MROH9: variants seen among roughly 807,000 people sequenced by gnomAD.
MROH9 encodes the protein maestro heat like repeat family member 9.
A neutral mutation model predicts 98.2 loss-of-function variants in MROH9; 92 were observed. That is an observed-to-expected ratio of 0.94 (90% CI 0.79 to 1.11). MROH9 has a LOEUF of 1.11. Ranked by LOEUF, MROH9 falls within the 50% of genes most tolerant of loss-of-function variation. The probability of loss-of-function intolerance (pLI) is 0.00; values close to 1 mark genes in which losing one functional copy is unlikely to be tolerated. For missense variants in MROH9, 1,057 were observed against 1,014.8 expected, an observed-to-expected ratio of 1.04 and a Z score of -0.57; for synonymous variants, 397 against 368.9, an observed-to-expected ratio of 1.08 and a Z score of -0.87.
rs532846300 is a variant in MROH9, at chr1:171,019,710, T to C, written c.1908+3374T>C. 6.1e-5 allele frequency among the ~76,000 whole-genome samples: 9 copies of C among 146,500 alleles called. No individual in the cohort carries two copies. In the South Asian group the frequency reaches 1.5e-3, roughly 24 times the overall value. ...ACCCTAACATCACAATTAAAAGAGC[T>C]AAAGAAGCAGGAGCAAACAAATTCA... On this transcript the variant is annotated intron_variant, in intron 17 of 21. Transcript: ENST00000367759.
At chr1:171,039,099 T>C (rs1653205369) in intron 20 of MROH9, among the ~76,000 whole-genome samples, 1 of 152,172 alleles carries the variant, frequency 6.6e-6, no homozygotes, top group South Asian at 2.1e-4. Context: ...GATCACATGC[T>C]TACCTACCTA....
chr1:171,000,561 A>AT (rs1651751542), intron 15 of MROH9, among the ~76,000 whole-genome samples: 1 of 152,122 alleles, frequency 6.6e-6, no homozygotes. Flanking sequence ...GCATATATTG[A>AT]ACCATCCCTG....
intron 20 of MROH9, among the ~76,000 whole-genome samples, chr1:171,037,000 C>A (rs548455215): frequency 3.3e-5 from 5 of 151,486 alleles, no homozygotes; most frequent in African/African-American, 4.8e-5. Flanking sequence ...GAAAAAATAG[C>A]GTTTATGAAA....
chr1:171,006,185 C>T (rs146817865), intron 15 of MROH9, among the ~76,000 whole-genome samples: 2,639 of 151,970 alleles, frequency 0.017, 41 homozygotes, highest in Middle Eastern at 0.037. Flanking sequence ...TCAAGGACAG[C>T]TTTGTCAGGT....
intron 20 of MROH9, among the ~76,000 whole-genome samples, chr1:171,039,763 C>T (rs1047239320): frequency 2.0e-5 from 3 of 152,062 alleles, no homozygotes; most frequent in Non-Finnish European, 4.4e-5. Flanking sequence ...AAAGGAAATA[C>T]ATTGGAATAC....
At chr1:171,008,450 T>C (rs1652035877) in intron 15 of MROH9, among the ~76,000 whole-genome samples, 1 of 152,208 alleles carries the variant, frequency 6.6e-6, no homozygotes, top group African/African-American at 2.4e-5. Flanking sequence ...AGATTTACAT[T>C]CAATTGTAAC....
At chr1:170,998,124 G>T (rs1370001033) in intron 14 of MROH9, 30 bp from the exon 15 acceptor site, 2 of 1,547,240 alleles carry the variant, frequency 1.3e-6, no homozygotes, top group Admixed American at 4.0e-5. Flanking sequence ...TTTCTCCTTT[G>T]CTAATTCAGT....
chr1:171,024,290 T>C, intron 17 of MROH9, 105 bp from the exon 18 acceptor site: 1 of 751,086 alleles, frequency 1.3e-6, no homozygotes, highest in Non-Finnish European at 2.1e-6. Context: ...ACATATATAG[T>C]ATATTTATAT....
chr1:171,001,377 A>G (rs1293676963), intron 15 of MROH9, among the ~76,000 whole-genome samples: 2 of 152,072 alleles, frequency 1.3e-5, no homozygotes, highest in Non-Finnish European at 2.9e-5. Context: ...TGACATAGGC[A>G]TTTAGGGCTA....
intron 11 of MROH9, among the ~76,000 whole-genome samples, chr1:170,990,579 AG>A (rs987994403): frequency 2.0e-5 from 3 of 152,218 alleles, no homozygotes; most frequent in African/African-American, 7.2e-5. Flanking sequence ...AGAAGAGCTT[AG>A]AAAAATCACA....
At chr1:170,968,536 C>G (rs1650319909) in intron 7 of MROH9, among the ~76,000 whole-genome samples, 1 of 152,032 alleles carries the variant, frequency 6.6e-6, no homozygotes, top group Non-Finnish European at 1.5e-5. Context: ...TTTGGGGAAA[C>G]TCTCCAAATA....
intron 15 of MROH9, among the ~76,000 whole-genome samples, chr1:171,000,027 A>T (rs774694882): frequency 3.2e-4 from 49 of 151,342 alleles, no homozygotes; most frequent in Non-Finnish European, 6.3e-4. Context: ...TTTTGATGGG[A>T]TTACTTGTTT....
At chr1:170,989,012 C>T (rs746609431) in intron 10 of MROH9, among the ~76,000 whole-genome samples, 1 of 152,036 alleles carries the variant, frequency 6.6e-6, no homozygotes, top group Non-Finnish European at 1.5e-5. Context: ...GGAAAAGTAC[C>T]CTGCACTTTT....
At chr1:170,972,601 G>C (rs1411625500) in intron 8 of MROH9, among the ~76,000 whole-genome samples, 1 of 151,922 alleles carries the variant, frequency 6.6e-6, no homozygotes, top group Non-Finnish European at 1.5e-5. Context: ...ACAAGGTCAG[G>C]AGATCGAGAC....
chr1:170,984,029 A>T (rs1651032198), intron 9 of MROH9, among the ~76,000 whole-genome samples: 1 of 152,236 alleles, frequency 6.6e-6, no homozygotes, highest in Non-Finnish European at 1.5e-5. Context: ...TAGTTTTTAC[A>T]CTGTCTCGAC....
chr1:171,042,067 TA>T, intron 20 of MROH9, among the ~76,000 whole-genome samples: 2 of 152,198 alleles, frequency 1.3e-5, no homozygotes, highest in South Asian at 4.1e-4. Flanking sequence ...TATCAAATAG[TA>T]AGTCTTACTC....
chr1:171,024,198 A>G lies in MROH9; in HGVS notation c.1909-197A>G, dbSNP rs1022344364. On this transcript the variant is annotated intron_variant, in intron 17 of 21. Transcript: ENST00000367759. Reference sequence around the variant, plus strand: ...GCAAATATTATTTTAAAATTAAAAGATGCCCTAACTACTTGAACCCAAGGT... The same window carrying G: ...GCAAATATTATTTTAAAATTAAAAGGTGCCCTAACTACTTGAACCCAAGGT... 3.3e-5 allele frequency among the ~76,000 whole-genome samples: 5 copies of G among 152,292 alleles called. No homozygotes were observed. In the South Asian group the frequency reaches 6.2e-4, roughly 19 times the overall value.
At chr1:170,950,430 C>T (rs1649504416) in intron 3 of MROH9, among the ~76,000 whole-genome samples, 1 of 152,056 alleles carries the variant, frequency 6.6e-6, no homozygotes, top group Admixed American at 6.6e-5. Context: ...GGACAGAGCA[C>T]AGTGGCAGCA....
At chr1:170,977,602 C>T (rs1040584255) in intron 8 of MROH9, among the ~76,000 whole-genome samples, 11 of 152,276 alleles carry the variant, frequency 7.2e-5, no homozygotes, top group Non-Finnish European at 1.3e-4. Flanking sequence ...CCTATATTTC[C>T]TTACAGTAGC....
Sources: allele counts gnomAD v4.1 joint callset (sites outside exome capture counted in the v4.1 genomes callset), GRCh38; gene constraint gnomAD v4.1.1; transcripts MANE v1.5; gene names NCBI Gene and HGNC (gene_info 2026-07-23, HGNC 2026-07-21).